SLC7A5: variants seen among roughly 807,000 people sequenced by gnomAD.
SLC7A5 encodes large neutral amino acids transporter small subunit 1.
In SLC7A5, 23 loss-of-function variants were observed where a neutral mutation model predicts 50.2. That is an observed-to-expected ratio of 0.46 (90% CI 0.33 to 0.65). The LOEUF (loss-of-function observed/expected upper bound fraction) is 0.65, where lower values mean the gene tolerates loss of function less well. Among genes scored for constraint, SLC7A5 ranks in the 30% least tolerant of loss-of-function variants. SLC7A5 has a pLI of 0.02. For missense variants in SLC7A5, 578 were observed against 684.4 expected (o/e 0.84, Z 1.73); for synonymous variants, 393 against 330.6 (o/e 1.19, Z -2.05).
intron 1 of SLC7A5, among the ~76,000 whole-genome samples, chr16:87,867,361 C>A (rs1024832137): frequency 3.3e-5 from 5 of 152,208 alleles, no homozygotes; most frequent in African/African-American, 1.2e-4. Flanking sequence ...AAATCAGAGT[C>A]ATCCCCTACA....
chr16:87,865,729 ATT>A (rs1359942785), intron 1 of SLC7A5, among the ~76,000 whole-genome samples: 1 of 152,190 alleles, frequency 6.6e-6, no homozygotes, highest in African/African-American at 2.4e-5. Context: ...ATAAAAATAA[ATT>A]TAAAAAATAC....
At position 87,860,399 on chromosome 16, in the gene SLC7A5, C is replaced by CACACACACAT. The variant is rs1175115965; in HGVS notation, c.538+8485_538+8486insATGTGTGTGT. Reference sequence around the variant, plus strand: ...ACACACACACACACACACACACACACATATATATATAAAGAAAAAGGAAAT... The same window carrying CACACACACAT: ...ACACACACACACACACACACACACACACACACACATATATATATATAAAGAAAAAGGAAAT... On this transcript the variant is annotated intron_variant, in intron 1 of 9. Coordinates refer to ENST00000261622, the MANE Select transcript of SLC7A5 (RefSeq NM_003486.7). The surrounding 1 kb of genome is among the most constrained non-coding windows in gnomAD (Gnocchi z 4.8). Among the ~76,000 whole-genome samples, 3 of 74,474 alleles carry CACACACACAT rather than the reference C, an allele frequency of 4.0e-5. No homozygotes were observed. Among genetic ancestry groups the CACACACACAT allele is most frequent in the African/African-American group, 1.7e-4 (3 of 18,038 alleles). 48.9% of individuals were successfully genotyped at this position (74,474 alleles called of 152,430 possible). A position where few individuals can be genotyped will look rare whatever the true frequency, so the allele number is the denominator to read the frequency against.
At chr16:87,836,064 T>A (rs1282858922) in intron 8 of SLC7A5, among the ~76,000 whole-genome samples, 1 of 152,194 alleles carries the variant, frequency 6.6e-6, no homozygotes, top group Non-Finnish European at 1.5e-5. Context: ...AATGAGCCGC[T>A]GGGGACGGGG....
At chr16:87,848,761 G>T (rs550433826) in intron 2 of SLC7A5, among the ~76,000 whole-genome samples, 54 of 152,300 alleles carry the variant, frequency 3.5e-4, no homozygotes, top group Middle Eastern at 3.4e-3. Context: ...TCCCATTCAC[G>T]TGCCTATGGC....
intron 4 of SLC7A5, 74 bp from the exon 5 acceptor site, chr16:87,839,899 G>A: frequency 1.3e-6 from 2 of 1,599,256 alleles, no homozygotes; most frequent in Non-Finnish European, 1.7e-6. Flanking sequence ...CAGGAGCCAG[G>A]TGGGCTCCTC....
chr16:87,868,509 C>G (rs1324672471), intron 1 of SLC7A5, among the ~76,000 whole-genome samples: 1 of 152,216 alleles, frequency 6.6e-6, no homozygotes, highest in East Asian at 1.9e-4. Flanking sequence ...AATCGGAGCT[C>G]TAACAGTAAA....
rs1047436829 is a variant in SLC7A5 at position 87,860,476 on chromosome 16, G to A, written c.538+8409C>T. 3.3e-5 allele frequency among the ~76,000 whole-genome samples: 5 copies of A among 150,664 alleles called. No homozygotes were observed. The highest frequency in any genetic ancestry group is 4.9e-5 in the African/African-American group (2 of 40,732). ...CCCATCCCCGCCTTGGAGTTGTCCC[G>A]CCTTTCTCGGCAGAACCAACAAATA... On this transcript the variant is annotated intron_variant, in intron 1 of 9. Transcript: ENST00000261622. This position sits in a 1 kb window ranked among gnomAD's most constrained non-coding sequence, Gnocchi z 4.8.
rs576687475 is a variant in SLC7A5, at chr16:87,833,789, G to C, written c.1468+625C>G. On this transcript the variant is annotated intron_variant, in intron 9 of 9. Transcript: ENST00000261622. This position sits in a 1 kb window ranked among gnomAD's most constrained non-coding sequence, Gnocchi z 6.0. ...GCAGGCGCTGAGGACGGGGTCCTGAGCTTGGTGACAAAGCACCCCTGGGGC... is the reference window on the plus strand; with the variant it reads ...GCAGGCGCTGAGGACGGGGTCCTGACCTTGGTGACAAAGCACCCCTGGGGC... Among the ~76,000 whole-genome samples, 137 of 151,870 alleles carry C rather than the reference G, an allele frequency of 9.0e-4. No homozygotes were observed. Among genetic ancestry groups the C allele is most frequent in the Middle Eastern group, 3.5e-3 (1 of 288 alleles).
intron 2 of SLC7A5, among the ~76,000 whole-genome samples, chr16:87,847,256 T>C (rs908813111): frequency 2.6e-5 from 4 of 152,188 alleles, no homozygotes; most frequent in Admixed American, 6.5e-5. Flanking sequence ...TGAAACGTTT[T>C]TCTCACCAGA....
chr16:87,840,188 C>T (rs1477093769), intron 4 of SLC7A5, among the ~76,000 whole-genome samples: 1 of 152,234 alleles, frequency 6.6e-6, no homozygotes, highest in Non-Finnish European at 1.5e-5. Context: ...CCAGGCAGCT[C>T]CTCTGTACCG....
In SLC7A5 at chr16:87,860,226, G is replaced by A. The variant is rs559217030; in HGVS notation, c.539-8377C>T. ...TGCATGCCTGTAGTCCCAGCTACTC[G>A]GGAAGCTAAGGCAGGAGAATCACTT... On this transcript the variant is annotated intron_variant, in intron 1 of 9. Coordinates refer to ENST00000261622, the MANE Select transcript of SLC7A5 (RefSeq NM_003486.7). This position sits in a 1 kb window ranked among gnomAD's most constrained non-coding sequence, Gnocchi z 4.8. Among the ~76,000 whole-genome samples, 56 of 151,412 alleles carry A rather than the reference G, an allele frequency of 3.7e-4. 1 individual carries two copies. The highest frequency in any genetic ancestry group is 1.1e-3 in the African/African-American group (45 of 41,272).
Position 87,834,495 on chromosome 16 carries a change from T to C in SLC7A5, c.1387A>G (p.Thr463Ala), listed in dbSNP as rs2054971958. The C allele has an allele frequency of 6.3e-7, 1 of 1,584,570 alleles. No individual in the cohort carries two copies. Among genetic ancestry groups the C allele is most frequent in the Non-Finnish European group, 8.6e-7 (1 of 1,166,626 alleles). Reference protein sequence around the residue: ...KTPVECGIGFTIILSGLPVYF... With the variant: ...KTPVECGIGFAIILSGLPVYF... ...ACGGGCAGCCCGCTGAGGATGATGG[T>C]GAAGCCGATGCCACACTCCACGGGT... Residue 463 changes from threonine to alanine, a missense_variant, in exon 9 of 10, where the codon ACC becomes GCC. By Grantham distance (58) the Thr-to-Ala change is moderately conservative. Transcript: ENST00000261622.
At position 87,860,382 on chromosome 16, in the gene SLC7A5, AC is replaced by A. The variant is rs2055380023; in HGVS notation, c.538+8502del. Among the ~76,000 whole-genome samples, 1 of 147,674 alleles carries A rather than the reference AC, an allele frequency of 6.8e-6. No homozygotes were observed. Among genetic ancestry groups the A allele is most frequent in the Non-Finnish European group, 1.5e-5 (1 of 67,414 alleles). ...CACACACACACACACACACACACACACACACACACACACACACATATATATA... is the reference window on the plus strand; with the variant it reads ...CACACACACACACACACACACACACAACACACACACACACACATATATATA... On this transcript the variant is annotated intron_variant, in intron 1 of 9. Coordinates refer to ENST00000261622, the MANE Select transcript of SLC7A5 (RefSeq NM_003486.7). The surrounding 1 kb of genome is among the most constrained non-coding windows in gnomAD (Gnocchi z 4.8).
intron 5 of SLC7A5, 139 bp downstream of exon 5, chr16:87,839,562 CG>C: frequency 8.3e-7 from 1 of 1,205,886 alleles, no homozygotes; most frequent in Non-Finnish European, 1.2e-6. Flanking sequence ...TCCACCCCTC[CG>C]GGTAGGGGAG....
At chr16:87,850,066 G>C (rs1033998553) in intron 2 of SLC7A5, among the ~76,000 whole-genome samples, 1 of 152,232 alleles carries the variant, frequency 6.6e-6, no homozygotes, top group South Asian at 2.1e-4. Context: ...TCCCCCTGCA[G>C]GCCCAGGTTA....
Position 87,851,745 on chromosome 16 carries a change from CCAG to C in SLC7A5, c.640_642del (p.Leu214del). 4 of 1,613,108 alleles carry C rather than the reference CCAG, an allele frequency of 2.5e-6. No homozygotes were observed. Among genetic ancestry groups the C allele is most frequent in the Non-Finnish European group, 3.4e-6 (4 of 1,179,920 alleles). On this transcript the variant is annotated inframe_deletion, in exon 2 of 10. Coordinates refer to ENST00000261622, the MANE Select transcript of SLC7A5 (RefSeq NM_003486.7). Reference sequence around the variant, plus strand: ...TCACCCTTCCCGATCTGGACGAAGCCCAGCAGGATGATCAGGGCCAGGGCCAGG... The same window carrying C: ...TCACCCTTCCCGATCTGGACGAAGCCCAGGATGATCAGGGCCAGGGCCAGG...
In SLC7A5 at chr16:87,862,888, G is replaced by A. The variant is rs1177068112; in HGVS notation, c.538+5997C>T. Among the ~76,000 whole-genome samples the A allele has an allele frequency of 6.6e-5, 10 of 152,234 alleles. No homozygotes were observed. Among genetic ancestry groups the A allele is most frequent in the Non-Finnish European group, 1.0e-4 (7 of 68,046 alleles). ...CGCCCACACCAATCTGCTGAGGAGT[G>A]ACAGCCATGGGGAGGAGAGCCACCT... On this transcript the variant is annotated intron_variant, in intron 1 of 9. Coordinates refer to ENST00000261622, the MANE Select transcript of SLC7A5 (RefSeq NM_003486.7). This position sits in a 1 kb window ranked among gnomAD's most constrained non-coding sequence, Gnocchi z 5.3.
rs1259383725 is a variant in SLC7A5, at chr16:87,834,550, G to A, written c.1332C>T (p.Leu444=). The A allele has an allele frequency of 6.3e-7, 1 of 1,599,382 alleles. No individual in the cohort carries two copies. Among genetic ancestry groups the A allele is most frequent in the East Asian group, 2.3e-5 (1 of 44,354 alleles). Residue 444 remains leucine, a synonymous_variant, in exon 9 of 10, where the codon CTC becomes CTT. Coordinates refer to ENST00000261622, the MANE Select transcript of SLC7A5 (RefSeq NM_003486.7). ...ALPVFFILAC[L]FLIAVSFWKT... ...TCCAGAAGGAGACGGCGATCAGGAAGAGGCAGGCCAGGATGAAGAACACAG... is the reference window on the plus strand; with the variant it reads ...TCCAGAAGGAGACGGCGATCAGGAAAAGGCAGGCCAGGATGAAGAACACAG...
chr16:87,869,482 G>A lies in SLC7A5; in HGVS notation c.-60C>T, dbSNP rs1227422377. On this transcript the variant is annotated 5_prime_UTR_variant, in exon 1 of 10. Coordinates refer to ENST00000261622, the MANE Select transcript of SLC7A5 (RefSeq NM_003486.7). The stretch of plus-strand genomic sequence containing the variant: ...AGCCGCGGCCCAGCGAGCAGTGTGC[G>A]CGCCGCCCGCCGCCCGCAGCTGCGT... The A allele has an allele frequency of 1.3e-5, 15 of 1,155,150 alleles. 1 individual carries two copies. Among genetic ancestry groups the A allele is most frequent in the Non-Finnish European group, 9.6e-6 (9 of 936,104 alleles). 71.6% of individuals were successfully genotyped at this position (1,155,150 alleles called of 1,614,324 possible). A position where few individuals can be genotyped will look rare whatever the true frequency, so the allele number is the denominator to read the frequency against.
Sources: gnomAD v4.1 joint callset for allele counts (sites outside exome capture counted in the v4.1 genomes callset) on GRCh38, gnomAD v4.1.1 for gene constraint, Gnocchi (gnomAD v3.1) non-coding constraint, MANE v1.5 for transcripts, NCBI Gene and HGNC (gene_info 2026-07-23, HGNC 2026-07-21) for gene names.